Variants in LMBRD2 observed in about 807,000 individuals in gnomAD.
The protein encoded by LMBRD2 is LMBR1 domain containing 2.
Under a neutral mutation model 94.4 loss-of-function variants are expected in LMBRD2, and 55 were observed. The ratio of observed to expected loss-of-function variants is 0.58; its 90% confidence interval spans 0.47 to 0.73. The LOEUF is 0.73. Among genes scored for constraint, LMBRD2 ranks in the 30% least tolerant of loss-of-function variants. The pLI is 0.00. For synonymous variants in LMBRD2, 246 were observed against 272.4 expected, an observed-to-expected ratio of 0.90 and a Z score of 0.95; for missense variants, 640 against 831.9, an observed-to-expected ratio of 0.77 and a Z score of 2.84.
chr5:36,104,042 G>T lies in LMBRD2; in HGVS notation c.*4C>A, dbSNP rs745348714. ...GTTAGTGGTCCCACAAACTTTTTCAGACTTTAAACATCATTAAATATGTCA... is the reference window on the plus strand; with the variant it reads ...GTTAGTGGTCCCACAAACTTTTTCATACTTTAAACATCATTAAATATGTCA... On this transcript the variant is annotated 3_prime_UTR_variant, in exon 18 of 18. Coordinates refer to ENST00000296603, the MANE Select transcript of LMBRD2 (RefSeq NM_001007527.2). The T allele has an allele frequency of 9.3e-6, 15 of 1,608,250 alleles. No homozygotes were observed. In the African/African-American group the frequency reaches 1.6e-4, roughly 17 times the overall value.
In LMBRD2 at chr5:36,137,385, C is replaced by T. The variant is rs1561521631; in HGVS notation, c.425G>A (p.Gly142Glu). 6.2e-7 allele frequency: 1 copy of T among 1,602,734 alleles called. No homozygotes were observed. The highest frequency in any genetic ancestry group is 8.5e-7 in the Non-Finnish European group (1 of 1,172,306). The change falls in exon 5 of 18, where the codon GGA (glycine) becomes GAA (glutamate). Residue 142 changes from glycine (G) to glutamate (E), a missense_variant. Physicochemically the swap from Gly to Glu is moderately conservative, Grantham distance 98. Coordinates refer to ENST00000296603, the MANE Select transcript of LMBRD2 (RefSeq NM_001007527.2). ...YARSGGFSITGKIKTALIENA... is the reference protein window; with the variant it reads ...YARSGGFSITEKIKTALIENA... The stretch of plus-strand genomic sequence containing the variant: ...CTCAATTAGTGCAGTTTTGATCTTT[C>T]CAGTGATGGAAAACCCTCCTGATCT...
chr5:36,139,714 G>A (rs1032412815), intron 4 of LMBRD2, among the ~76,000 whole-genome samples: 1 of 152,088 alleles, frequency 6.6e-6, no homozygotes, highest in Non-Finnish European at 1.5e-5. Context: ...ACAGACGATT[G>A]GGATAACCTG....
chr5:36,147,181 G>A (rs771445008), intron 1 of LMBRD2, among the ~76,000 whole-genome samples: 5 of 152,008 alleles, frequency 3.3e-5, no homozygotes, highest in Admixed American at 6.6e-5. Context: ...TGTTGAGGCC[G>A]AACTATATTG....
At chr5:36,113,853 T>C (rs1258492827) in intron 13 of LMBRD2, among the ~76,000 whole-genome samples, 1 of 152,160 alleles carries the variant, frequency 6.6e-6, no homozygotes, top group African/African-American at 2.4e-5. Context: ...TAATCCCTTT[T>C]GAATCTCACT....
At chr5:36,139,072 T>C (rs1314015606) in intron 4 of LMBRD2, among the ~76,000 whole-genome samples, 2 of 152,202 alleles carry the variant, frequency 1.3e-5, no homozygotes, top group Non-Finnish European at 2.9e-5. Flanking sequence ...TGGGCATAGC[T>C]GCAGCTGCCC....
chr5:36,142,577 T>C lies in LMBRD2; in HGVS notation c.197A>G (p.His66Arg), dbSNP rs746013624. The C allele has an allele frequency of 6.2e-7, 1 of 1,609,556 alleles. No homozygotes were observed. Reference protein sequence around the residue: ...VSTTIYNRCKHAAANSSPPEN... With the variant: ...VSTTIYNRCKRAAANSSPPEN... Reference sequence around the variant, plus strand: ...AGGAGGGCTTGAATTTGCAGCAGCATGCTTGCACCGGTTGTATATTGTCTA... The same window carrying C: ...AGGAGGGCTTGAATTTGCAGCAGCACGCTTGCACCGGTTGTATATTGTCTA... The change falls in exon 3 of 18, where the codon CAT becomes CGT. Residue 66 changes from histidine (H) to arginine (R), a missense_variant. By Grantham distance (29) the His-to-Arg change is conservative. Transcript: ENST00000296603.
rs143324525 is a variant in LMBRD2 at position 36,151,232 on chromosome 5, C to T, written c.-58+324G>A. ...AGCAACCAAATGGCTTTGCTGGAGGCCCCCTGCGTGCACGGGTAAAGCTCG... is the reference window on the plus strand; with the variant it reads ...AGCAACCAAATGGCTTTGCTGGAGGTCCCCTGCGTGCACGGGTAAAGCTCG... On this transcript the variant is annotated intron_variant, in intron 1 of 17. Transcript: ENST00000296603. The surrounding 1 kb of genome is among the most constrained non-coding windows in gnomAD (Gnocchi z 4.7). Among the ~76,000 whole-genome samples the T allele has an allele frequency of 7.7e-4, 118 of 152,332 alleles. No homozygotes were observed. In the Middle Eastern group the frequency reaches 0.014, roughly 18 times the overall value.
rs754263493 is a variant in LMBRD2, at chr5:36,137,319, G to C, written c.491C>G (p.Ala164Gly). 5 of 1,601,144 alleles carry C rather than the reference G, an allele frequency of 3.1e-6. No individual in the cohort carries two copies. Among genetic ancestry groups the C allele is most frequent in the Non-Finnish European group, 3.4e-6 (4 of 1,171,124 alleles). ...GTTTACAGCTACATAAATTAAAAAT[G>C]CTCCAAAAATCAGCAAATAGGTGCC... ...YYGTYLLIFG[A>G]FLIYVAVNPH... The change falls in exon 5 of 18, where the codon GCA becomes GGA. Residue 164 changes from alanine (A) to glycine (G), a missense_variant. By Grantham distance (60) the Ala-to-Gly change is moderately conservative (BLOSUM62 0). Coordinates refer to ENST00000296603, the MANE Select transcript of LMBRD2 (RefSeq NM_001007527.2).
At chr5:36,149,695 T>C (rs1272636533) in intron 1 of LMBRD2, among the ~76,000 whole-genome samples, 2 of 152,126 alleles carry the variant, frequency 1.3e-5, no homozygotes, top group Non-Finnish European at 2.9e-5. Context: ...TCATCTGAGG[T>C]CGGGAGTTCG....
At chr5:36,146,931 T>TGTGTGTGTGA (rs1189138458) in intron 1 of LMBRD2, among the ~76,000 whole-genome samples, 2 of 128,342 alleles carry the variant, frequency 1.6e-5, no homozygotes, top group Middle Eastern at 3.7e-3. Context: ...CGTGTGTGTG[T>TGTGTGTGTGA]GTGTGTGTGA....
At chr5:36,129,368 G>A (rs574301601) in intron 6 of LMBRD2, among the ~76,000 whole-genome samples, 3 of 151,960 alleles carry the variant, frequency 2.0e-5, no homozygotes, top group Non-Finnish European at 4.4e-5. Context: ...AGCAGGAGAA[G>A]AGAAACAAAT....
At chr5:36,117,116 T>C (rs1048467857) in intron 10 of LMBRD2, among the ~76,000 whole-genome samples, 5 of 152,144 alleles carry the variant, frequency 3.3e-5, no homozygotes, top group Admixed American at 1.3e-4. Flanking sequence ...GTTTCGAATC[T>C]ACCTTCTAAT....
chr5:36,129,670 T>C (rs1744088022), intron 6 of LMBRD2, among the ~76,000 whole-genome samples: 1 of 152,010 alleles, frequency 6.6e-6, no homozygotes, highest in South Asian at 2.1e-4. Context: ...CATCTGAAGG[T>C]ACAAAACTCA....
chr5:36,133,774 G>A (rs1046546153), intron 6 of LMBRD2, among the ~76,000 whole-genome samples: 2 of 151,996 alleles, frequency 1.3e-5, no homozygotes, highest in African/African-American at 4.8e-5. Flanking sequence ...GTCCAATGCT[G>A]GTCCTTAATT....
At chr5:36,146,921 CGTGT>C (rs745950793) in intron 1 of LMBRD2, among the ~76,000 whole-genome samples, 19 of 75,046 alleles carry the variant, frequency 2.5e-4, no homozygotes, top group East Asian at 1.7e-3. Context: ...TCTCTCTCTG[CGTGT>C]GTGTGTGTGT....
intron 9 of LMBRD2, among the ~76,000 whole-genome samples, chr5:36,119,853 C>A (rs576410336): frequency 1.1e-4 from 17 of 152,152 alleles, no homozygotes; most frequent in Non-Finnish European, 2.2e-4. Flanking sequence ...AACACTACAC[C>A]TTCTCAGCTA....
chr5:36,109,690 G>T (rs1380316834), intron 15 of LMBRD2, among the ~76,000 whole-genome samples: 1 of 151,988 alleles, frequency 6.6e-6, no homozygotes, highest in Non-Finnish European at 1.5e-5. Flanking sequence ...TATTCATGGA[G>T]CACCTACTTT....
At chr5:36,113,629 A>T (rs1581044416) in intron 13 of LMBRD2, among the ~76,000 whole-genome samples, 1 of 152,194 alleles carries the variant, frequency 6.6e-6, no homozygotes, top group Non-Finnish European at 1.5e-5. Flanking sequence ...ACAACTATAA[A>T]ATGGTATTGG....
chr5:36,150,277 T>A (rs1292916715), intron 1 of LMBRD2, among the ~76,000 whole-genome samples: 1 of 152,230 alleles, frequency 6.6e-6, no homozygotes, highest in Admixed American at 6.5e-5. Context: ...TAACTCCTAG[T>A]AAAACCAAGA....
Sources: gnomAD v4.1 joint callset for allele counts (sites outside exome capture counted in the v4.1 genomes callset) on GRCh38, gnomAD v4.1.1 for gene constraint, Gnocchi (gnomAD v3.1) non-coding constraint, MANE v1.5 for transcripts, NCBI Gene and HGNC (gene_info 2026-07-23, HGNC 2026-07-21) for gene names.